The following NLGN1 variants were observed in gnomAD, a reference collection of about 807,000 sequenced individuals.
NLGN1 encodes neuroligin 1.
NLGN1 carries 12 observed loss-of-function variants against 65.5 expected under a neutral mutation model. The ratio of observed to expected loss-of-function variants is 0.18; its 90% confidence interval spans 0.12 to 0.30. NLGN1 has a LOEUF of 0.30. NLGN1 is among the 10% of genes least tolerant of loss of function. NLGN1 has a pLI of 1.00. For missense variants in NLGN1, 750 were observed against 1,007.1 expected (o/e 0.74, Z 3.46); for synonymous variants, 350 against 359.5 (o/e 0.97, Z 0.30).
chr3:173,994,278 T>A (rs2152417299), intron 4 of NLGN1, among the ~76,000 whole-genome samples: 1 of 151,770 alleles, frequency 6.6e-6, no homozygotes, highest in African/African-American at 2.4e-5. Flanking sequence ...TGGCTAATTT[T>A]GTATTTTGGG....
chr3:174,179,373 A>G (rs772614051), intron 4 of NLGN1, among the ~76,000 whole-genome samples: 2 of 152,270 alleles, frequency 1.3e-5, no homozygotes, highest in Non-Finnish European at 2.9e-5. Context: ...TGTTTGAGAA[A>G]GTGAAGGGCA....
intron 2 of NLGN1, among the ~76,000 whole-genome samples, chr3:173,555,399 T>C (rs1051003136): frequency 2.0e-5 from 3 of 152,242 alleles, no homozygotes; most frequent in African/African-American, 7.2e-5. Flanking sequence ...TAAGGACTGA[T>C]GTGTCTAATC....
At chr3:173,787,835 A>G (rs145935347) in intron 3 of NLGN1, among the ~76,000 whole-genome samples, 3 of 152,360 alleles carry the variant, frequency 2.0e-5, no homozygotes, top group Non-Finnish European at 2.9e-5. Context: ...GCAAAGGTGC[A>G]TTGTAAATCA....
chr3:173,429,437 T>C (rs985974117), intron 1 of NLGN1, among the ~76,000 whole-genome samples: 1 of 152,236 alleles, frequency 6.6e-6, no homozygotes. Flanking sequence ...TCAAAACTAC[T>C]GTTTTGAATA....
intron 1 of NLGN1, among the ~76,000 whole-genome samples, chr3:173,434,584 C>T (rs1334182608): frequency 2.0e-5 from 3 of 152,184 alleles, no homozygotes; most frequent in Non-Finnish European, 2.9e-5. Context: ...CAATTGCACT[C>T]TCTACAATCT....
chr3:173,669,055 G>A (rs1279931719), intron 3 of NLGN1, among the ~76,000 whole-genome samples: 1 of 152,158 alleles, frequency 6.6e-6, no homozygotes, highest in East Asian at 1.9e-4. Context: ...TAATATGATT[G>A]TTATGTTTGC....
chr3:174,258,494 T>C (rs1341357119), intron 4 of NLGN1, among the ~76,000 whole-genome samples: 1 of 152,148 alleles, frequency 6.6e-6, no homozygotes, highest in Non-Finnish European at 1.5e-5. Context: ...ACTTTATACT[T>C]ACCCCATGCA....
chr3:174,157,934 A>G (rs1437156695), intron 4 of NLGN1, among the ~76,000 whole-genome samples: 2 of 151,756 alleles, frequency 1.3e-5, no homozygotes, highest in African/African-American at 4.8e-5. Context: ...CTTAAACATC[A>G]ACCAGGATTC....
chr3:174,080,987 T>A (rs1198554913), intron 4 of NLGN1, among the ~76,000 whole-genome samples: 1 of 148,714 alleles, frequency 6.7e-6, no homozygotes, highest in Non-Finnish European at 1.5e-5. Context: ...CCTGCCCTGC[T>A]CATACCTGAC....
At chr3:173,961,663 C>A (rs1418400420) in intron 4 of NLGN1, among the ~76,000 whole-genome samples, 1 of 151,992 alleles carries the variant, frequency 6.6e-6, no homozygotes, top group Non-Finnish European at 1.5e-5. Flanking sequence ...AGACAGAAGA[C>A]TCAGGGTACC....
At chr3:174,075,768 G>T (rs1291689723) in intron 4 of NLGN1, among the ~76,000 whole-genome samples, 1 of 152,118 alleles carries the variant, frequency 6.6e-6, no homozygotes, top group Non-Finnish European at 1.5e-5. Flanking sequence ...TGCATAAGTG[G>T]ATTATTGATT....
chr3:173,695,761 T>A (rs1766122336), intron 3 of NLGN1, among the ~76,000 whole-genome samples: 1 of 152,202 alleles, frequency 6.6e-6, no homozygotes. Context: ...CTTTGCACAA[T>A]TTAGTTTTTC....
At chr3:173,667,643 T>A (rs141852124) in intron 3 of NLGN1, among the ~76,000 whole-genome samples, 60 of 152,308 alleles carry the variant, frequency 3.9e-4, no homozygotes, top group African/African-American at 1.3e-3. Flanking sequence ...AATTCCCTTT[T>A]TTTTGAGTTC....
chr3:174,100,958 G>A (rs75172256), intron 4 of NLGN1, among the ~76,000 whole-genome samples: 4 of 152,052 alleles, frequency 2.6e-5, no homozygotes, highest in African/African-American at 9.6e-5. Flanking sequence ...TAGAGGCTCC[G>A]TTTTCCCCTC....
In NLGN1 at chr3:173,499,268, C is replaced by T. The variant is rs1159398409; in HGVS notation, c.-321+64190C>T. 2.0e-5 allele frequency among the ~76,000 whole-genome samples: 3 copies of T among 151,916 alleles called. No homozygotes were observed. The South Asian group carries it at 6.2e-4, about 32-fold the overall frequency. The stretch of plus-strand genomic sequence containing the variant: ...GAAGGGATCCAGTTTCAGCTTTCTA[C>T]ATATGGCTAGCCAGTTTTCCCAGCA... On this transcript the variant is annotated intron_variant, in intron 2 of 6. Coordinates refer to ENST00000457714, the Ensembl canonical transcript of NLGN1.
chr3:173,822,975 G>A (rs1196556048), intron 4 of NLGN1, among the ~76,000 whole-genome samples: 2 of 151,728 alleles, frequency 1.3e-5, no homozygotes, highest in South Asian at 4.2e-4. Flanking sequence ...TTAAAATTGA[G>A]TAACTTCAAT....
intron 4 of NLGN1, among the ~76,000 whole-genome samples, chr3:174,170,809 T>G (rs1396669437): frequency 6.6e-6 from 1 of 152,228 alleles, no homozygotes; most frequent in African/African-American, 2.4e-5. Flanking sequence ...ATAGGTTTTA[T>G]AATATGTGCA....
intron 3 of NLGN1, among the ~76,000 whole-genome samples, chr3:173,617,330 C>T (rs867990293): frequency 1.3e-5 from 2 of 152,182 alleles, no homozygotes; most frequent in African/African-American, 2.4e-5. Context: ...CCCAGAAGAA[C>T]GTTTCTCTTG....
At chr3:173,745,055 C>G (rs1323907276) in intron 3 of NLGN1, among the ~76,000 whole-genome samples, 1 of 152,064 alleles carries the variant, frequency 6.6e-6, no homozygotes, top group African/African-American at 2.4e-5. Flanking sequence ...TCATCCCTAA[C>G]CAGAACTGAT....
Sources: gnomAD v4.1 joint callset for allele counts (sites outside exome capture counted in the v4.1 genomes callset) on GRCh38, gnomAD v4.1.1 for gene constraint, MANE v1.5 for transcripts, NCBI Gene and HGNC (gene_info 2026-07-23, HGNC 2026-07-21) for gene names.